Variants in TNIK observed in about 807,000 individuals in gnomAD.
TNIK encodes the protein TRAF2 and NCK-interacting protein kinase.
Under a neutral mutation model 191.3 loss-of-function variants are expected in TNIK, and 49 were observed. The ratio of observed to expected loss-of-function variants is 0.26; its 90% CI spans 0.20 to 0.32. The LOEUF (loss-of-function observed/expected upper bound fraction) is 0.32. Among genes scored for constraint, TNIK ranks in the 10% least tolerant of loss-of-function variants. TNIK has a pLI of 1.00. For missense variants in TNIK, 1,155 were observed against 1,702.3 expected, an observed-to-expected ratio of 0.68 and a Z score of 5.66; for synonymous variants, 594 against 600.9, an observed-to-expected ratio of 0.99 and a Z score of 0.17.
At position 171,093,855 on chromosome 3, in the gene TNIK, G is replaced by A. The variant is rs770114109; in HGVS notation, c.2705C>T (p.Thr902Ile). The A allele has an allele frequency of 6.2e-7, 1 of 1,613,600 alleles. No individual in the cohort carries two copies. Among genetic ancestry groups the A allele is most frequent in the East Asian group, 2.2e-5 (1 of 44,850 alleles). The change falls in exon 23 of 33, where the codon ACC becomes ATC. Residue 902 changes from threonine (T) to isoleucine (I), a missense_variant. By Grantham distance (89) the Thr-to-Ile change is moderately conservative. Coordinates refer to ENST00000436636, the MANE Select transcript of TNIK (RefSeq NM_015028.4). ...CCAACTTACCTCTCTAATCATCAAGGTTCCTTCTCTTGAAATACTGCCGCT... is the reference window on the plus strand; with the variant it reads ...CCAACTTACCTCTCTAATCATCAAGATTCCTTCTCTTGAAATACTGCCGCT... ...SFSGSISREGTLMIRETSGEK... is the reference protein window; with the variant it reads ...SFSGSISREGILMIRETSGEK...
intron 2 of TNIK, among the ~76,000 whole-genome samples, chr3:171,265,451 T>C (rs1234156647): frequency 6.6e-6 from 1 of 152,246 alleles, no homozygotes; most frequent in Non-Finnish European, 1.5e-5. Flanking sequence ...TGGATTCTTT[T>C]GTCTTTAATG....
chr3:171,423,872 T>TA (rs1724178441), intron 1 of TNIK, among the ~76,000 whole-genome samples: 2 of 152,088 alleles, frequency 1.3e-5, no homozygotes, highest in Admixed American at 1.3e-4. Context: ...CCGAAAACCA[T>TA]AAAAACCCTA....
At chr3:171,188,646 T>G (rs539603420) in intron 7 of TNIK, 56 bp downstream of exon 7, 1 of 1,597,944 alleles carries the variant, frequency 6.3e-7, no homozygotes, top group Non-Finnish European at 8.5e-7. Flanking sequence ...TAAGACTTTA[T>G]AAGACTCAGG....
intron 7 of TNIK, among the ~76,000 whole-genome samples, chr3:171,185,459 G>A (rs1371225171): frequency 6.6e-6 from 1 of 152,080 alleles, no homozygotes; most frequent in Admixed American, 6.5e-5. Context: ...ATTATTAAAC[G>A]GGAAAGCTTT....
chr3:171,251,169 C>T (rs574519870), intron 2 of TNIK, among the ~76,000 whole-genome samples: 1 of 152,306 alleles, frequency 6.6e-6, no homozygotes, highest in South Asian at 2.1e-4. Context: ...TGGAACCTGC[C>T]TGTGGTCTGG....
chr3:171,317,918 T>C (rs147111092), intron 2 of TNIK, among the ~76,000 whole-genome samples: 123 of 152,338 alleles, frequency 8.1e-4, no homozygotes, highest in African/African-American at 2.9e-3. Context: ...TGTGCCCATG[T>C]GTCTACCTTT....
chr3:171,203,729 A>G (rs1739704716), intron 4 of TNIK, among the ~76,000 whole-genome samples: 1 of 152,198 alleles, frequency 6.6e-6, no homozygotes, highest in Admixed American at 6.5e-5. Flanking sequence ...TAGAATCCAA[A>G]TGCCAGACAC....
intron 1 of TNIK, among the ~76,000 whole-genome samples, chr3:171,389,988 C>A (rs1421875615): frequency 6.6e-6 from 1 of 152,210 alleles, no homozygotes; most frequent in Non-Finnish European, 1.5e-5. Flanking sequence ...ATATACAATA[C>A]AACATGATGC....
intron 1 of TNIK, among the ~76,000 whole-genome samples, chr3:171,374,231 C>G (rs58598705): frequency 0.023 from 3,491 of 152,244 alleles, 137 homozygotes; most frequent in African/African-American, 0.08. Flanking sequence ...ATCCTCCTTA[C>G]CCCAATCCCA....
chr3:171,323,102 A>G (rs1290551676), intron 2 of TNIK, among the ~76,000 whole-genome samples: 1 of 152,168 alleles, frequency 6.6e-6, no homozygotes, highest in Admixed American at 6.5e-5. Flanking sequence ...CTTTTGTGCT[A>G]CAAGAGCGGT....
chr3:171,394,596 A>T (rs1719991582), intron 1 of TNIK, among the ~76,000 whole-genome samples: 1 of 152,242 alleles, frequency 6.6e-6, no homozygotes, highest in African/African-American at 2.4e-5. Flanking sequence ...AATTGAAAGG[A>T]TGGATGAACA....
chr3:171,355,516 T>C (rs972581480), intron 2 of TNIK, among the ~76,000 whole-genome samples: 6 of 152,170 alleles, frequency 3.9e-5, no homozygotes, highest in African/African-American at 1.2e-4. Context: ...TTGCAACTCT[T>C]TTGAAGAGAA....
rs1409714504 is a variant in TNIK at position 171,101,449 on chromosome 3, A to G, written c.2591T>C (p.Ile864Thr). 8 of 1,599,314 alleles carry G rather than the reference A, an allele frequency of 5.0e-6. No homozygotes were observed. The South Asian group carries it at 6.8e-5, about 14-fold the overall frequency. ...TVAVSDIPRL[I>T]PTGAPGSNEQ... is the part of the protein sequence containing the mutation. The stretch of plus-strand genomic sequence containing the variant: ...TACACTTTAAAAGTAGTTCTCTTAC[A>G]TCAGTCTGGGTATGTCGCTGACAGC... The change falls in exon 22 of 33, where the codon ATA becomes ACA. Residue 864 changes from isoleucine to threonine, a missense_variant and splice_region_variant. Ile to Thr is a moderately conservative substitution (Grantham distance 89). Around this residue, in one of 3 missense-constraint regions of TNIK, gnomAD observed 735 missense variants for 848.0 expected, o/e 0.87. Coordinates refer to ENST00000436636, the MANE Select transcript of TNIK (RefSeq NM_015028.4).
chr3:171,231,342 G>C, intron 2 of TNIK, among the ~76,000 whole-genome samples: 1 of 149,814 alleles, frequency 6.7e-6, no homozygotes. Context: ...TTTTTAAGTA[G>C]CCACTATGAA....
chr3:171,164,122 T>C (rs188904440), intron 10 of TNIK, among the ~76,000 whole-genome samples: 246 of 152,344 alleles, frequency 1.6e-3, no homozygotes, highest in South Asian at 2.1e-3. Flanking sequence ...TAAACAGGCT[T>C]AGATTCCTTA....
At chr3:171,260,159 G>A (rs142259700) in intron 2 of TNIK, among the ~76,000 whole-genome samples, 5 of 152,064 alleles carry the variant, frequency 3.3e-5, no homozygotes, top group Non-Finnish European at 1.5e-5. Flanking sequence ...CAAGAGTCCT[G>A]TTAGGTTGCT....
chr3:171,192,086 T>C (rs532730087), intron 5 of TNIK, among the ~76,000 whole-genome samples: 1 of 152,098 alleles, frequency 6.6e-6, no homozygotes, highest in East Asian at 1.9e-4. Flanking sequence ...AGCATGAGAG[T>C]ACAGAGGTCC....
chr3:171,297,940 T>C (rs1752487045), intron 2 of TNIK, among the ~76,000 whole-genome samples: 1 of 152,220 alleles, frequency 6.6e-6, no homozygotes. Flanking sequence ...GAGTAAAATC[T>C]GCACCTGCAA....
At chr3:171,351,319 T>C (rs1043847109) in intron 2 of TNIK, among the ~76,000 whole-genome samples, 4 of 122,946 alleles carry the variant, frequency 3.3e-5, no homozygotes, top group Non-Finnish European at 7.4e-5. Flanking sequence ...GAGGTGTGTA[T>C]ATGTGTGTCT....
Sources: allele counts gnomAD v4.1 joint callset (sites outside exome capture counted in the v4.1 genomes callset), GRCh38; gene constraint gnomAD v4.1.1; regional missense constraint gnomAD v4.1.1; transcripts MANE v1.5; gene names NCBI Gene and HGNC (gene_info 2026-07-23, HGNC 2026-07-21).